TRMT11: variants seen among roughly 807,000 people sequenced by gnomAD.
TRMT11 encodes tRNA methyltransferase 11, also known as tRNA (guanine(10)-N(2))-methyltransferase TRMT11.
A neutral mutation model predicts 62.8 loss-of-function variants in TRMT11; 53 were observed. The ratio of observed to expected loss-of-function variants is 0.84; its 90% CI spans 0.68 to 1.06. The LOEUF is 1.06. Among genes scored for constraint, TRMT11 ranks in the 50% least tolerant of loss-of-function variants. The pLI, the probability that TRMT11 is intolerant of heterozygous loss-of-function variation, is 0.00. For synonymous variants in TRMT11, 188 were observed against 190.3 expected, an observed-to-expected ratio of 0.99 and a Z score of 0.10; for missense variants, 556 against 553.4, an observed-to-expected ratio of 1.00 and a Z score of -0.05.
chr6:126,013,106 GT>G lies in TRMT11; in HGVS notation c.1139+6del. 1 of 1,596,380 alleles carries G rather than the reference GT, an allele frequency of 6.3e-7. No homozygotes were observed. The highest frequency in any genetic ancestry group is 1.4e-5 in the African/African-American group (1 of 73,636). On this transcript the variant is annotated splice_donor_region_variant and intron_variant, in intron 11 of 12. Transcript: ENST00000334379. ...GTTACCGGTGTATACGCCAGAGTAT[GT>G]AATCTTAATTTTATTTTTAATTTCA...
chr6:126,048,193 A>G (rs1212336485), intron 16 of TRMT11, among the ~76,000 whole-genome samples: 1 of 152,138 alleles, frequency 6.6e-6, no homozygotes, highest in African/African-American at 2.4e-5. Flanking sequence ...TGCTTCTTTC[A>G]CTGATAGATT....
At chr6:126,155,272 G>A (rs989433569) in intron 21 of TRMT11, among the ~76,000 whole-genome samples, 6 of 152,020 alleles carry the variant, frequency 3.9e-5, no homozygotes, top group South Asian at 2.1e-4. Context: ...ACTCGATCTC[G>A]TGAGAACTCA....
intron 17 of TRMT11, among the ~76,000 whole-genome samples, chr6:126,096,095 G>T (rs1325569050): frequency 6.6e-6 from 1 of 152,170 alleles, no homozygotes; most frequent in Non-Finnish European, 1.5e-5. Context: ...TCTCATAAGA[G>T]GGAGAAGAGT....
At chr6:126,180,220 T>C (rs565461568) in intron 1 of TRMT11, among the ~76,000 whole-genome samples, 45 of 152,350 alleles carry the variant, frequency 3.0e-4, no homozygotes, top group Middle Eastern at 3.4e-3. Context: ...CTACAAAGAT[T>C]ACCTATTGTG....
intron 1 of TRMT11, among the ~76,000 whole-genome samples, chr6:126,184,176 G>A (rs1473703691): frequency 6.6e-6 from 1 of 152,172 alleles, no homozygotes; most frequent in Admixed American, 6.5e-5. Context: ...CACAGGTAAT[G>A]CACAGTGCAA....
At chr6:126,150,282 G>T (rs1778023772) in intron 21 of TRMT11, among the ~76,000 whole-genome samples, 1 of 152,174 alleles carries the variant, frequency 6.6e-6, no homozygotes, top group Non-Finnish European at 1.5e-5. Context: ...TAGCAAGAAA[G>T]ATTTTACCAG....
At chr6:125,991,256 A>T (rs1359710914) in intron 1 of TRMT11, among the ~76,000 whole-genome samples, 1 of 151,528 alleles carries the variant, frequency 6.6e-6, no homozygotes, top group Non-Finnish European at 1.5e-5. Context: ...AAAAAAAAAA[A>T]AAAAATTTTT....
At chr6:125,993,845 C>T (rs1791021075) in intron 2 of TRMT11, 23 bp downstream of exon 2, 10 of 1,473,428 alleles carry the variant, frequency 6.8e-6, no homozygotes, top group Non-Finnish European at 9.5e-6. Flanking sequence ...TTCATTAGAC[C>T]ATATGGAGTA....
intron 16 of TRMT11, among the ~76,000 whole-genome samples, chr6:126,044,966 A>C (rs1027638070): frequency 6.6e-6 from 1 of 152,042 alleles, no homozygotes; most frequent in African/African-American, 2.4e-5. Context: ...CAGGTGGATC[A>C]CCTGAGGTCA....
intron 17 of TRMT11, among the ~76,000 whole-genome samples, chr6:126,093,627 A>ATTTT (rs1343339966): frequency 2.1e-5 from 2 of 94,636 alleles, no homozygotes; most frequent in African/African-American, 9.5e-5. Flanking sequence ...ATATATATAT[A>ATTTT]TATATTTTCC....
chr6:126,136,280 T>C (rs1777848927), intron 21 of TRMT11, among the ~76,000 whole-genome samples: 1 of 151,508 alleles, frequency 6.6e-6, no homozygotes, highest in African/African-American at 2.4e-5. Flanking sequence ...GAACTGAAAA[T>C]TTGTAAAATT....
At chr6:126,217,808 A>T in the TRMT11 span, among the ~76,000 whole-genome samples, 2 of 152,130 alleles carry the variant, frequency 1.3e-5, no homozygotes, top group Non-Finnish European at 2.9e-5. Context: ...TGGTGAAATC[A>T]GTCAGGTTTG....
chr6:126,065,897 T>C (rs1776675198), intron 17 of TRMT11, among the ~76,000 whole-genome samples: 2 of 152,164 alleles, frequency 1.3e-5, no homozygotes, highest in African/African-American at 2.4e-5. Context: ...CTATCGTGAA[T>C]TTATCATGAT....
chr6:126,102,304 C>A (rs1359334376), intron 17 of TRMT11, among the ~76,000 whole-genome samples: 1 of 152,176 alleles, frequency 6.6e-6, no homozygotes, highest in Non-Finnish European at 1.5e-5. Flanking sequence ...AAAAATTCGC[C>A]TGAAGCTGGA....
At chr6:126,135,076 C>G (rs1331208902) in intron 21 of TRMT11, among the ~76,000 whole-genome samples, 4 of 151,392 alleles carry the variant, frequency 2.6e-5, no homozygotes, top group Non-Finnish European at 4.4e-5. Context: ...CAATTCACTT[C>G]CAGGTTACTA....
chr6:125,993,088 C>T (rs1255857946), intron 1 of TRMT11, among the ~76,000 whole-genome samples: 1 of 152,098 alleles, frequency 6.6e-6, no homozygotes, highest in Non-Finnish European at 1.5e-5. Context: ...TCATTAGGTT[C>T]CATCCTCCAT....
At chr6:126,022,065 T>C (rs1795907634) in intron 12 of TRMT11, among the ~76,000 whole-genome samples, 1 of 145,004 alleles carries the variant, frequency 6.9e-6, no homozygotes, top group African/African-American at 2.6e-5. Flanking sequence ...TTTTTTTTTT[T>C]TTTTTTTTTT....
intron 17 of TRMT11, among the ~76,000 whole-genome samples, chr6:126,059,589 T>C (rs1406547199): frequency 6.6e-6 from 1 of 152,222 alleles, no homozygotes; most frequent in Non-Finnish European, 1.5e-5. Flanking sequence ...TTATGTGACC[T>C]TTAATCTTCA....
the TRMT11 span, among the ~76,000 whole-genome samples, chr6:126,243,526 GAACT>G: frequency 6.6e-6 from 1 of 152,092 alleles, no homozygotes; most frequent in Non-Finnish European, 1.5e-5. Flanking sequence ...CAAAGACTTG[GAACT>G]AACCCAAATG....
Sources: allele counts gnomAD v4.1 joint callset (sites outside exome capture counted in the v4.1 genomes callset), GRCh38; gene constraint gnomAD v4.1.1; transcripts MANE v1.5; gene names NCBI Gene and HGNC (gene_info 2026-07-23, HGNC 2026-07-21).